The following ARHGAP31 variants were observed in gnomAD, a reference collection of about 807,000 sequenced individuals.
ARHGAP31 encodes the protein Rho GTPase activating protein 31.
Under a neutral mutation model 113.9 loss-of-function variants are expected in ARHGAP31, and 34 were observed. That is an observed-to-expected ratio of 0.30 (90% CI 0.23 to 0.40). The LOEUF (loss-of-function observed/expected upper bound fraction) is 0.40, where lower values mean the gene tolerates loss of function less well. ARHGAP31 is among the 10% of genes least tolerant of loss of function. ARHGAP31 has a pLI of 1.00. For synonymous variants in ARHGAP31, 650 were observed against 684.8 expected, an observed-to-expected ratio of 0.95 and a Z score of 0.79; for missense variants, 1,548 against 1,767.1, an observed-to-expected ratio of 0.88 and a Z score of 2.22.
intron 11 of ARHGAP31, among the ~76,000 whole-genome samples, chr3:119,412,204 C>A (rs2080722235): frequency 6.6e-6 from 1 of 152,050 alleles, no homozygotes; most frequent in African/African-American, 2.4e-5. Context: ...GCCTGGCCAA[C>A]ATGGTGAAAC....
intron 2 of ARHGAP31, among the ~76,000 whole-genome samples, chr3:119,365,734 A>AT (rs1378495217): frequency 6.6e-6 from 1 of 152,208 alleles, no homozygotes; most frequent in Non-Finnish European, 1.5e-5. Flanking sequence ...GGAAAACGTG[A>AT]TTTATTATCA....
At chr3:119,368,558 A>G (rs1287939824) in intron 3 of ARHGAP31, 42 bp downstream of exon 3, 1 of 1,610,928 alleles carries the variant, frequency 6.2e-7, no homozygotes, top group Non-Finnish European at 8.5e-7. Flanking sequence ...GGTGGGATGC[A>G]TGGATGGGCC....
rs191572006 is a variant in ARHGAP31 at position 119,419,280 on chromosome 3, T to G, written c.*3016T>G. ...AATGATGGATTTGCAGTGAAACGCATGCATGTACTGACGTTTTCTTTCAGC... is the reference window on the plus strand; with the variant it reads ...AATGATGGATTTGCAGTGAAACGCAGGCATGTACTGACGTTTTCTTTCAGC... On this transcript the variant is annotated 3_prime_UTR_variant, in exon 12 of 12. Transcript: ENST00000264245. 1 of 152,330 alleles carries G rather than the reference T, an allele frequency of 6.6e-6. No homozygotes were observed. Among genetic ancestry groups the G allele is most frequent in the Admixed American group, 6.5e-5 (1 of 15,302 alleles). The allele number at this position is 152,330 out of a possible 1,614,324, so 9.4% of individuals were successfully genotyped here.
At chr3:119,298,990 G>T (rs898294899) in intron 1 of ARHGAP31, 16 of 199,184 alleles carry the variant, frequency 8.0e-5, no homozygotes, top group Non-Finnish European at 1.4e-4. Context: ...GTTGCCCTAC[G>T]GCCTCCACCA....
intron 1 of ARHGAP31, among the ~76,000 whole-genome samples, chr3:119,308,722 T>C (rs1338547230): frequency 1.3e-5 from 2 of 152,240 alleles, no homozygotes; most frequent in African/African-American, 4.8e-5. Flanking sequence ...ATGGACATCT[T>C]TGAAGGGCAT....
intron 1 of ARHGAP31, among the ~76,000 whole-genome samples, chr3:119,340,975 C>T (rs1265769016): frequency 1.3e-5 from 2 of 152,160 alleles, no homozygotes; most frequent in African/African-American, 4.8e-5. Context: ...GAGCAAATGC[C>T]TGCATGAGCT....
intron 1 of ARHGAP31, among the ~76,000 whole-genome samples, chr3:119,336,766 A>C (rs191089634): frequency 7.9e-5 from 12 of 152,116 alleles, no homozygotes; most frequent in South Asian, 4.1e-4. Flanking sequence ...CATTTGCATC[A>C]CCCTCAAAAG....
chr3:119,378,430 G>A (rs566898447), intron 3 of ARHGAP31, among the ~76,000 whole-genome samples: 45 of 152,170 alleles, frequency 3.0e-4, no homozygotes, highest in African/African-American at 1.1e-3. Flanking sequence ...GGATGAGCCT[G>A]CCCCGCCTCT....
chr3:119,380,176 A>G (rs542534568), intron 3 of ARHGAP31, among the ~76,000 whole-genome samples: 45 of 152,286 alleles, frequency 3.0e-4, no homozygotes, highest in African/African-American at 1.1e-3. Context: ...GGTTTCAGGG[A>G]CAACGCTCTT....
At chr3:119,373,542 C>A (rs2080321280) in intron 3 of ARHGAP31, among the ~76,000 whole-genome samples, 1 of 152,008 alleles carries the variant, frequency 6.6e-6, no homozygotes, top group South Asian at 2.1e-4. Flanking sequence ...CGGCTCACTG[C>A]AGCCTCCCCC....
chr3:119,376,869 T>C (rs539540582), intron 3 of ARHGAP31, among the ~76,000 whole-genome samples: 8 of 152,216 alleles, frequency 5.3e-5, no homozygotes, highest in African/African-American at 1.2e-4. Context: ...CAGTAGCCAA[T>C]TGTCTTGGTT....
chr3:119,349,287 T>A (rs1179525942), intron 1 of ARHGAP31, among the ~76,000 whole-genome samples: 3 of 152,106 alleles, frequency 2.0e-5, no homozygotes, highest in Non-Finnish European at 4.4e-5. Context: ...TCATAGAAAT[T>A]CAGATATCTT....
intron 1 of ARHGAP31, among the ~76,000 whole-genome samples, chr3:119,304,085 C>T (rs1317490268): frequency 6.6e-6 from 1 of 152,150 alleles, no homozygotes; most frequent in East Asian, 1.9e-4. Context: ...TAAGCCACCG[C>T]ACCCGGCCTC....
chr3:119,317,183 CTTTTTTTTT>C (rs58689017), intron 1 of ARHGAP31, among the ~76,000 whole-genome samples: 1 of 146,612 alleles, frequency 6.8e-6, no homozygotes, highest in Non-Finnish European at 1.5e-5. Flanking sequence ...TTTCTTTTTT[CTTTTTTTTT>C]TTTTGAGACG....
At chr3:119,364,400 T>A (rs939351441) in intron 1 of ARHGAP31, among the ~76,000 whole-genome samples, 3 of 152,376 alleles carry the variant, frequency 2.0e-5, no homozygotes, top group African/African-American at 7.2e-5. Flanking sequence ...TTGAAGATTT[T>A]TTCTTCTAAA....
intron 2 of ARHGAP31, among the ~76,000 whole-genome samples, chr3:119,367,672 CGTG>C (rs1271243914): frequency 6.6e-6 from 1 of 151,966 alleles, no homozygotes; most frequent in African/African-American, 2.4e-5. Flanking sequence ...TCCTGGCTAA[CGTG>C]GTGAAACCCC....
intron 1 of ARHGAP31, among the ~76,000 whole-genome samples, chr3:119,330,699 C>T (rs1192410489): frequency 6.6e-6 from 1 of 152,228 alleles, no homozygotes; most frequent in Non-Finnish European, 1.5e-5. Context: ...AAGTGACTGT[C>T]AGCTAGAGCC....
At chr3:119,372,898 G>C (rs1020234878) in intron 3 of ARHGAP31, among the ~76,000 whole-genome samples, 2 of 152,124 alleles carry the variant, frequency 1.3e-5, no homozygotes, top group African/African-American at 4.8e-5. Context: ...CTTGAAAGTA[G>C]AGTTAACAAC....
chr3:119,380,024 T>G (rs149153683), intron 3 of ARHGAP31, among the ~76,000 whole-genome samples: 1 of 152,286 alleles, frequency 6.6e-6, no homozygotes, highest in East Asian at 1.9e-4. Context: ...ACCCCCAGCA[T>G]TCGAGAGATG....
Sources: gnomAD v4.1 joint callset for allele counts (sites outside exome capture counted in the v4.1 genomes callset) on GRCh38, gnomAD v4.1.1 for gene constraint, MANE v1.5 for transcripts, NCBI Gene and HGNC (gene_info 2026-07-23, HGNC 2026-07-21) for gene names.